Variants in CNTN5 observed in about 807,000 individuals in gnomAD.
The protein encoded by CNTN5 is contactin 5.
Under a neutral mutation model 129.1 loss-of-function variants are expected in CNTN5, and 77 were observed. That is an observed-to-expected ratio of 0.60 (90% CI 0.50 to 0.72). The LOEUF (loss-of-function observed/expected upper bound fraction) is 0.72. Ranked by LOEUF, CNTN5 falls within the 30% of genes least tolerant of loss-of-function variation. CNTN5 has a pLI of 0.00. For missense variants in CNTN5, 1,478 were observed against 1,328.8 expected (o/e 1.11, Z -1.75); for synonymous variants, 509 against 465.6 (o/e 1.09, Z -1.20).
At chr11:99,246,172 T>G (rs914014310) in intron 1 of CNTN5, among the ~76,000 whole-genome samples, 5 of 152,210 alleles carry the variant, frequency 3.3e-5, no homozygotes, top group African/African-American at 1.2e-4. Context: ...TGTCACAAAT[T>G]TAACTGGAGA....
intron 1 of CNTN5, among the ~76,000 whole-genome samples, chr11:99,298,972 G>A (rs542430189): frequency 5.9e-5 from 9 of 152,226 alleles, no homozygotes; most frequent in African/African-American, 1.7e-4. Context: ...CCCTTAATCT[G>A]TAAGAGAGAA....
chr11:99,974,972 ACAT>A (rs1309538752), intron 8 of CNTN5, among the ~76,000 whole-genome samples: 2 of 152,198 alleles, frequency 1.3e-5, no homozygotes, highest in African/African-American at 4.8e-5. Context: ...TGTCATCCTA[ACAT>A]CATGGTGATC....
At position 99,896,103 on chromosome 11, in the gene CNTN5, C is replaced by A. The variant is rs117548895; in HGVS notation, c.578-19951C>A. ...CCCTTCACTATCACTGCTGCCTTCA[C>A]TCCTCCTGTCCCCAAGCCAGGGAGG... On this transcript the variant is annotated intron_variant, in intron 6 of 24. Transcript: ENST00000524871. Among the ~76,000 whole-genome samples the A allele has an allele frequency of 8.4e-3, 1,273 of 152,260 alleles. 14 individuals are homozygous for A. Among genetic ancestry groups the A allele is most frequent in the Non-Finnish European group, 0.012 (838 of 68,016 alleles).
chr11:99,657,612 G>GA (rs1555066891), intron 3 of CNTN5, among the ~76,000 whole-genome samples: 2 of 151,806 alleles, frequency 1.3e-5, no homozygotes, highest in African/African-American at 4.8e-5. Context: ...GCTTTTGTTT[G>GA]TTTTTTTAAA....
chr11:99,236,787 C>G (rs552451113), intron 1 of CNTN5, among the ~76,000 whole-genome samples: 1 of 152,098 alleles, frequency 6.6e-6, no homozygotes, highest in East Asian at 1.9e-4. Context: ...ATTTTCTTAA[C>G]AGTTTTATTT....
intron 3 of CNTN5, among the ~76,000 whole-genome samples, chr11:99,717,514 G>A (rs993468392): frequency 6.6e-6 from 1 of 151,950 alleles, no homozygotes. Context: ...TTTGGATGGG[G>A]AAGAGATGTG....
intron 1 of CNTN5, among the ~76,000 whole-genome samples, chr11:99,104,848 A>T (rs923329518): frequency 1.2e-4 from 18 of 152,282 alleles, no homozygotes; most frequent in African/African-American, 4.1e-4. Context: ...ATTTTAATGC[A>T]ATATTTTTTA....
chr11:99,620,209 T>TA (rs1950896862), intron 3 of CNTN5, among the ~76,000 whole-genome samples: 1 of 152,082 alleles, frequency 6.6e-6, no homozygotes, highest in East Asian at 1.9e-4. Flanking sequence ...CTTTTCAGCG[T>TA]TAAGCTTGTC....
intron 2 of CNTN5, among the ~76,000 whole-genome samples, chr11:99,543,452 T>A (rs986321958): frequency 5.3e-5 from 8 of 152,166 alleles, no homozygotes; most frequent in Non-Finnish European, 8.8e-5. Flanking sequence ...TACTTGCACT[T>A]CTGATATCAA....
Position 99,632,094 on chromosome 11 carries a change from A to T in CNTN5, c.55+75825A>T, listed in dbSNP as rs144797601. Among the ~76,000 whole-genome samples the T allele has an allele frequency of 2.8e-3, 427 of 152,188 alleles. 2 individuals carry two copies. The highest frequency in any genetic ancestry group is 9.6e-3 in the African/African-American group (397 of 41,532). On this transcript the variant is annotated intron_variant, in intron 3 of 24. Coordinates refer to ENST00000524871, the MANE Select transcript of CNTN5 (RefSeq NM_014361.4). Reference sequence around the variant, plus strand: ...TTCAGGTATCCCCTGGGGGACTTGGAAGGTATACCCTGCGAATAAGTGGGG... The same window carrying T: ...TTCAGGTATCCCCTGGGGGACTTGGTAGGTATACCCTGCGAATAAGTGGGG...
At position 100,201,814 on chromosome 11, in the gene CNTN5, T is replaced by C. The variant is rs187887765; in HGVS notation, c.1884+8151T>C. On this transcript the variant is annotated intron_variant, in intron 15 of 24. Coordinates refer to ENST00000524871, the MANE Select transcript of CNTN5 (RefSeq NM_014361.4). ...CTCCTTCCCCAAGCTATGGAGAATATTGGGGGCTGACAGCTCTCAGCAGTG... is the reference window on the plus strand; with the variant it reads ...CTCCTTCCCCAAGCTATGGAGAATACTGGGGGCTGACAGCTCTCAGCAGTG... Among the ~76,000 whole-genome samples, 254 of 152,072 alleles carry C rather than the reference T, an allele frequency of 1.7e-3. 2 individuals carry two copies. The highest frequency in any genetic ancestry group is 5.8e-3 in the African/African-American group (242 of 41,518).
At chr11:100,293,102 C>G (rs1346452396) in intron 18 of CNTN5, among the ~76,000 whole-genome samples, 1 of 151,766 alleles carries the variant, frequency 6.6e-6, no homozygotes, top group African/African-American at 2.4e-5. Context: ...TATATTTCTT[C>G]TTGCCTTTTC....
intron 13 of CNTN5, among the ~76,000 whole-genome samples, chr11:100,078,095 G>A (rs1464440111): frequency 1.1e-4 from 17 of 152,102 alleles, no homozygotes; most frequent in South Asian, 2.1e-4. Context: ...GTTATAGTTC[G>A]TCATTTGTCA....
At chr11:99,799,283 T>G (rs1246474371) in intron 3 of CNTN5, among the ~76,000 whole-genome samples, 7 of 151,746 alleles carry the variant, frequency 4.6e-5, no homozygotes, top group African/African-American at 1.4e-4. Flanking sequence ...TCCAGTATTA[T>G]GTTAAATAGG....
chr11:99,233,253 T>G lies in CNTN5; in HGVS notation c.-209-92093T>G, dbSNP rs541230876. On this transcript the variant is annotated intron_variant, in intron 1 of 24. Transcript: ENST00000524871. ...ATGCCATTCACTTGGTGCTAAGGAATAATTATTCAGTGATTTCATATAAAG... is the reference window on the plus strand; with the variant it reads ...ATGCCATTCACTTGGTGCTAAGGAAGAATTATTCAGTGATTTCATATAAAG... Among the ~76,000 whole-genome samples the G allele has an allele frequency of 1.4e-3, 209 of 152,362 alleles. 1 individual carries two copies. Among genetic ancestry groups the G allele is most frequent in the African/African-American group, 4.9e-3 (203 of 41,590 alleles).
At chr11:100,046,201 T>C (rs538022656) in intron 9 of CNTN5, among the ~76,000 whole-genome samples, 71 of 152,148 alleles carry the variant, frequency 4.7e-4, no homozygotes, top group South Asian at 4.6e-3. Flanking sequence ...GATGAGTTAA[T>C]GGGTGCATCA....
chr11:99,656,155 A>G (rs1166059818), intron 3 of CNTN5, among the ~76,000 whole-genome samples: 1 of 152,024 alleles, frequency 6.6e-6, no homozygotes. Context: ...TCATAGATAA[A>G]TTAATTCCTG....
chr11:99,941,324 A>C (rs1383972302), intron 7 of CNTN5, among the ~76,000 whole-genome samples: 1 of 152,088 alleles, frequency 6.6e-6, no homozygotes, highest in Non-Finnish European at 1.5e-5. Flanking sequence ...TAAAGAGGTA[A>C]ACTTTACCCA....
intron 6 of CNTN5, among the ~76,000 whole-genome samples, chr11:99,886,057 T>C (rs1175439118): frequency 1.3e-5 from 2 of 152,070 alleles, no homozygotes; most frequent in Non-Finnish European, 2.9e-5. Context: ...AAAAATTAAG[T>C]TTATATTCAA....
Sources: gnomAD v4.1 joint callset for allele counts (sites outside exome capture counted in the v4.1 genomes callset) on GRCh38, gnomAD v4.1.1 for gene constraint, MANE v1.5 for transcripts, NCBI Gene and HGNC (gene_info 2026-07-23, HGNC 2026-07-21) for gene names.